MYRIP: variants seen among roughly 807,000 people sequenced by gnomAD.
MYRIP encodes the protein myosin VIIA and Rab interacting protein, also known as rab effector MyRIP.
In MYRIP, 49 loss-of-function variants were observed where a neutral mutation model predicts 98.0. That is an observed-to-expected ratio of 0.50 (90% CI 0.40 to 0.63). MYRIP has a LOEUF of 0.63. Ranked by LOEUF, MYRIP falls within the 30% of genes least tolerant of loss-of-function variation. The pLI is 0.00. For missense variants in MYRIP, 1,004 were observed against 1,058.2 expected (o/e 0.95, Z 0.71); for synonymous variants, 404 against 409.5 (o/e 0.99, Z 0.16).
chr3:39,954,753 C>T lies in MYRIP; in HGVS notation c.110+53827C>T, dbSNP rs139909296. ...GCTGAAGGAGGATGTTCAAACCCAT[C>T]GCAAAGAAGCTAAAAACCTTGAAAA... On this transcript the variant is annotated intron_variant, in intron 2 of 16. Transcript: ENST00000302541. 9.4e-3 allele frequency among the ~76,000 whole-genome samples: 1,435 copies of T among 152,116 alleles called. 13 individuals are homozygous for T. Among genetic ancestry groups the T allele is most frequent in the African/African-American group, 0.031 (1,292 of 41,502 alleles).
chr3:40,182,871 G>T (rs887804373), intron 9 of MYRIP, among the ~76,000 whole-genome samples: 3 of 152,176 alleles, frequency 2.0e-5, no homozygotes, highest in Non-Finnish European at 4.4e-5. Context: ...ATTAGTTAGG[G>T]TAGCATATGC....
intron 3 of MYRIP, among the ~76,000 whole-genome samples, chr3:40,136,158 A>G (rs1356217191): frequency 6.6e-6 from 1 of 152,224 alleles, no homozygotes; most frequent in African/African-American, 2.4e-5. Context: ...GCGGAGACAA[A>G]CATAGGCTCA....
At chr3:40,250,392 A>G in intron 14 of MYRIP, 47 bp from the exon 15 acceptor site, 1 of 1,613,394 alleles carries the variant, frequency 6.2e-7, no homozygotes, top group Non-Finnish European at 8.5e-7. Flanking sequence ...AAGACAAAAT[A>G]TCTTTGGCTC....
intron 3 of MYRIP, among the ~76,000 whole-genome samples, chr3:40,095,788 T>G (rs554747292): frequency 6.6e-6 from 1 of 151,880 alleles, no homozygotes; most frequent in South Asian, 2.1e-4. Flanking sequence ...CACAGTATGC[T>G]GTCACACACA....
chr3:39,880,754 G>A (rs1943138622), intron 1 of MYRIP, among the ~76,000 whole-genome samples: 1 of 152,104 alleles, frequency 6.6e-6, no homozygotes, highest in Non-Finnish European at 1.5e-5. Context: ...GCAATAAATG[G>A]TAGCACATTT....
At chr3:39,866,874 A>C (rs1045069876) in intron 1 of MYRIP, among the ~76,000 whole-genome samples, 5 of 152,194 alleles carry the variant, frequency 3.3e-5, no homozygotes, top group African/African-American at 1.2e-4. Context: ...TAGCCAAGGC[A>C]ATTTTGAACA....
chr3:40,075,829 A>G (rs1359704126), intron 3 of MYRIP, among the ~76,000 whole-genome samples: 2 of 152,130 alleles, frequency 1.3e-5, no homozygotes, highest in Non-Finnish European at 1.5e-5. Context: ...GAGACTTGTC[A>G]TCTTCATTTT....
At chr3:40,000,225 G>A (rs147960189) in intron 2 of MYRIP, among the ~76,000 whole-genome samples, 11 of 152,090 alleles carry the variant, frequency 7.2e-5, no homozygotes, top group Non-Finnish European at 1.3e-4. Context: ...ACTTTTAAAT[G>A]TAGATTAATA....
chr3:40,014,967 C>T (rs1946830264), intron 2 of MYRIP, among the ~76,000 whole-genome samples: 1 of 152,182 alleles, frequency 6.6e-6, no homozygotes, highest in African/African-American at 2.4e-5. Flanking sequence ...TCACACTCAT[C>T]TCACCTGTCC....
At chr3:40,154,095 G>A (rs1462211240) in intron 4 of MYRIP, among the ~76,000 whole-genome samples, 3 of 150,790 alleles carry the variant, frequency 2.0e-5, no homozygotes, top group Non-Finnish European at 2.9e-5. Context: ...AGCCGAGATT[G>A]CACCACTGCA....
At chr3:39,986,441 TCC>T (rs1491503975) in intron 2 of MYRIP, among the ~76,000 whole-genome samples, 28 of 146,192 alleles carry the variant, frequency 1.9e-4, no homozygotes, top group African/African-American at 7.2e-4. Flanking sequence ...TCTCTTTCTC[TCC>T]CTCTCTCTCT....
In MYRIP at chr3:40,101,082, C is replaced by T. The variant is rs188254114; in HGVS notation, c.333-49966C>T. On this transcript the variant is annotated intron_variant, in intron 3 of 16. Coordinates refer to ENST00000302541, the MANE Select transcript of MYRIP (RefSeq NM_015460.4). ...TCTTTCAGTATTTACTTCCAAATTT[C>T]TAAATAATATGCTTACCCTTTTTGT... 3.4e-3 allele frequency among the ~76,000 whole-genome samples: 515 copies of T among 152,266 alleles called. 2 individuals are homozygous for T. Among genetic ancestry groups the T allele is most frequent in the African/African-American group, 0.012 (492 of 41,550 alleles).
chr3:39,881,170 T>A (rs1053485796), intron 1 of MYRIP, among the ~76,000 whole-genome samples: 9 of 152,200 alleles, frequency 5.9e-5, no homozygotes, highest in Admixed American at 2.0e-4. Flanking sequence ...TACCTAGATA[T>A]CATAGGATTG....
At chr3:40,233,740 GT>G (rs931243959) in intron 11 of MYRIP, 118 bp from the exon 12 acceptor site, 1 of 918,272 alleles carries the variant, frequency 1.1e-6, no homozygotes, top group African/African-American at 1.7e-5. Flanking sequence ...ATTGGTGTTT[GT>G]GTGTGGAATT....
chr3:40,196,297 CAT>C (rs901945316), intron 10 of MYRIP, among the ~76,000 whole-genome samples: 3 of 152,070 alleles, frequency 2.0e-5, no homozygotes, highest in Middle Eastern at 3.4e-3. Context: ...TGTTTTCATA[CAT>C]GTTTTTCTAT....
At chr3:40,019,864 C>T (rs1025189433) in intron 2 of MYRIP, among the ~76,000 whole-genome samples, 6 of 152,210 alleles carry the variant, frequency 3.9e-5, no homozygotes, top group African/African-American at 1.4e-4. Context: ...ACTTTTTGGG[C>T]ATTCAAATGG....
chr3:39,903,739 C>G (rs1943804931), intron 2 of MYRIP, among the ~76,000 whole-genome samples: 1 of 152,168 alleles, frequency 6.6e-6, no homozygotes, highest in South Asian at 2.1e-4. Context: ...TGGAGGCATC[C>G]AAGAACAGAG....
rs544881711 is a variant in MYRIP at position 39,914,374 on chromosome 3, A to T, written c.110+13448A>T. Among the ~76,000 whole-genome samples, 55 of 152,218 alleles carry T rather than the reference A, an allele frequency of 3.6e-4. 2 individuals are homozygous for T. In the South Asian group the frequency reaches 4.8e-3, roughly 13 times the overall value. On this transcript the variant is annotated intron_variant, in intron 2 of 16. Transcript: ENST00000302541. ...ACAAAGATCTTCTGATCAATCCATTAAAAAAGATACCTTATTATACAATTG... is the reference window on the plus strand; with the variant it reads ...ACAAAGATCTTCTGATCAATCCATTTAAAAAGATACCTTATTATACAATTG...
intron 3 of MYRIP, among the ~76,000 whole-genome samples, chr3:40,136,245 T>C (rs1247812214): frequency 2.6e-5 from 4 of 152,100 alleles, no homozygotes; most frequent in Non-Finnish European, 4.4e-5. Context: ...TAGTCTCTGA[T>C]AAAACAGACT....
Sources: allele counts gnomAD v4.1 joint callset (sites outside exome capture counted in the v4.1 genomes callset), GRCh38; gene constraint gnomAD v4.1.1; transcripts MANE v1.5; gene names NCBI Gene and HGNC (gene_info 2026-07-23, HGNC 2026-07-21).